The following CEP192 variants were observed in gnomAD, a reference collection of about 807,000 sequenced individuals.
CEP192 encodes centrosomal protein 192.
Under a neutral mutation model 271.8 loss-of-function variants are expected in CEP192, and 151 were observed. That is an observed-to-expected ratio of 0.56 (90% CI 0.49 to 0.64). The LOEUF (loss-of-function observed/expected upper bound fraction) is 0.64, where lower values mean the gene tolerates loss of function less well. Ranked by LOEUF, CEP192 falls within the 30% of genes least tolerant of loss-of-function variation. The pLI is 0.00. For missense variants in CEP192, 2,910 were observed against 3,020.5 expected, an observed-to-expected ratio of 0.96 and a Z score of 0.86; for synonymous variants, 995 against 1,076.5, an observed-to-expected ratio of 0.92 and a Z score of 1.48.
At chr18:12,993,988 C>A (rs2033052810) in intron 1 of CEP192, among the ~76,000 whole-genome samples, 1 of 152,156 alleles carries the variant, frequency 6.6e-6, no homozygotes, top group Non-Finnish European at 1.5e-5. Flanking sequence ...AGAAGCTGCT[C>A]TTCTAAATTT....
rs1385993376 is a variant in CEP192 at position 13,068,289 on chromosome 18, T to A, written c.4758+52T>A. 1.9e-6 allele frequency: 3 copies of A among 1,603,482 alleles called. No individual in the cohort carries two copies. The African/African-American group carries it at 4.0e-5, about 22-fold the overall frequency. ...AGAGGAAATTAAGCTTCTAAACCTC[T>A]TTTCTTTCATTAAGATAGTAATATT... On this transcript the variant is annotated intron_variant, in intron 23 of 44. Transcript: ENST00000506447.
chr18:13,104,112 C>T, intron 39 of CEP192: 2 of 311,808 alleles, frequency 6.4e-6, no homozygotes, highest in South Asian at 5.2e-5. Context: ...TGTGGAAATA[C>T]ATGTTTGCTC....
intron 21 of CEP192, among the ~76,000 whole-genome samples, chr18:13,066,772 C>T (rs1023822792): frequency 6.6e-6 from 1 of 152,144 alleles, no homozygotes; most frequent in African/African-American, 2.4e-5. Flanking sequence ...ATTCGAGCCT[C>T]ACCCTGCTCA....
chr18:13,040,212 G>A (rs1240566799), intron 13 of CEP192, among the ~76,000 whole-genome samples: 4 of 152,180 alleles, frequency 2.6e-5, no homozygotes, highest in Admixed American at 2.6e-4. Context: ...CGTTTTATTT[G>A]CATTCAAGTT....
intron 30 of CEP192, among the ~76,000 whole-genome samples, chr18:13,075,440 C>G (rs921439961): frequency 6.6e-6 from 1 of 152,192 alleles, no homozygotes; most frequent in Non-Finnish European, 1.5e-5. Flanking sequence ...GTGGCACACA[C>G]CTGTAGTCCC....
chr18:13,025,265 G>A (rs544433175), intron 9 of CEP192, among the ~76,000 whole-genome samples: 42 of 152,076 alleles, frequency 2.8e-4, no homozygotes, highest in Middle Eastern at 3.4e-3. Flanking sequence ...TGCCCAGAAT[G>A]GAGTGCAGTG....
chr18:13,079,828 G>A (rs1467464235), intron 30 of CEP192, among the ~76,000 whole-genome samples: 1 of 152,162 alleles, frequency 6.6e-6, no homozygotes, highest in Non-Finnish European at 1.5e-5. Context: ...GTTTAAGGAA[G>A]GGATCCAGTT....
chr18:13,083,624 A>C (rs908076591), intron 30 of CEP192, among the ~76,000 whole-genome samples: 1 of 152,216 alleles, frequency 6.6e-6, no homozygotes, highest in East Asian at 1.9e-4. Context: ...CTGTCAGCTC[A>C]TCAAAGTCAT....
At chr18:13,052,051 T>G (rs1482820886) in intron 17 of CEP192, among the ~76,000 whole-genome samples, 1 of 152,206 alleles carries the variant, frequency 6.6e-6, no homozygotes, top group East Asian at 1.9e-4. Context: ...CCTGTGCTCT[T>G]TTGCACTGTG....
Position 13,105,034 on chromosome 18 carries a change from A to G in CEP192, c.7002A>G (p.Arg2334=). 2 of 1,614,184 alleles carry G rather than the reference A, an allele frequency of 1.2e-6. No homozygotes were observed. The highest frequency in any genetic ancestry group is 1.7e-6 in the Non-Finnish European group (2 of 1,179,984). Residue 2334 remains arginine, a synonymous_variant, in exon 40 of 45, where the codon AGA becomes AGG. Coordinates refer to ENST00000506447, the MANE Select transcript of CEP192 (RefSeq NM_032142.4). ...DVFRATYAAF[R]CSPISGLLES... is the part of the protein sequence containing the mutation. ...TTAGAGCTACCTATGCAGCATTCAGATGTTCTCCTATTTCTGGTCTGCTGG... is the reference window on the plus strand; with the variant it reads ...TTAGAGCTACCTATGCAGCATTCAGGTGTTCTCCTATTTCTGGTCTGCTGG...
intron 19 of CEP192, 118 bp from the exon 20 acceptor site, chr18:13,057,467 T>C: frequency 1.8e-6 from 2 of 1,123,464 alleles, no homozygotes; most frequent in Non-Finnish European, 2.5e-6. Flanking sequence ...TGGAGCACTT[T>C]GACTCTAGCT....
chr18:13,081,476 G>T (rs2038604157), intron 30 of CEP192, among the ~76,000 whole-genome samples: 1 of 152,146 alleles, frequency 6.6e-6, no homozygotes, highest in Non-Finnish European at 1.5e-5. Flanking sequence ...GGGATCGGTG[G>T]TGATATCCCC....
chr18:12,995,171 C>T (rs1007385430), intron 1 of CEP192, among the ~76,000 whole-genome samples: 16 of 150,706 alleles, frequency 1.1e-4, no homozygotes, highest in Non-Finnish European at 2.2e-4. Flanking sequence ...ACGCCATTCT[C>T]CTGCCTCAGC....
At chr18:13,086,340 A>G (rs896464344) in intron 30 of CEP192, among the ~76,000 whole-genome samples, 1 of 152,172 alleles carries the variant, frequency 6.6e-6, no homozygotes, top group African/African-American at 2.4e-5. Context: ...AGACAATTTG[A>G]CTTCCTCTCT....
intron 44 of CEP192, among the ~76,000 whole-genome samples, chr18:13,122,915 C>T (rs918827125): frequency 1.3e-5 from 2 of 152,138 alleles, no homozygotes; most frequent in Admixed American, 6.5e-5. Flanking sequence ...TAAAATATAT[C>T]CATCTTGCTG....
chr18:13,009,506 G>A (rs1159342862), intron 4 of CEP192, among the ~76,000 whole-genome samples: 2 of 152,150 alleles, frequency 1.3e-5, no homozygotes, highest in Admixed American at 6.5e-5. Flanking sequence ...TAGGTTGAAT[G>A]CATTGGAAAT....
chr18:13,038,910 A>G (rs1004055152), intron 13 of CEP192, among the ~76,000 whole-genome samples: 5 of 152,194 alleles, frequency 3.3e-5, no homozygotes, highest in African/African-American at 1.2e-4. Context: ...ATAGTTGTTC[A>G]TTGCTGTTGT....
At chr18:13,078,562 G>A (rs531423468) in intron 30 of CEP192, among the ~76,000 whole-genome samples, 37 of 152,080 alleles carry the variant, frequency 2.4e-4, no homozygotes, top group South Asian at 6.2e-4. Flanking sequence ...GTGTAAAAGC[G>A]TTCCTATTTC....
intron 3 of CEP192, among the ~76,000 whole-genome samples, chr18:13,007,623 G>A (rs1390093292): frequency 6.6e-6 from 1 of 152,060 alleles, no homozygotes; most frequent in East Asian, 1.9e-4. Flanking sequence ...TGTACTCAAT[G>A]AAATTTTCCT....
Sources: gnomAD v4.1 joint callset for allele counts (sites outside exome capture counted in the v4.1 genomes callset) on GRCh38, gnomAD v4.1.1 for gene constraint, MANE v1.5 for transcripts, NCBI Gene and HGNC (gene_info 2026-07-23, HGNC 2026-07-21) for gene names.